The following FAM110B variants were observed in gnomAD, a reference collection of about 807,000 sequenced individuals.
FAM110B encodes protein FAM110B.
FAM110B carries 6 observed loss-of-function variants against 20.4 expected under a neutral mutation model. The observed-to-expected ratio is 0.29, with a 90% CI of 0.16 to 0.58. The LOEUF is 0.58. FAM110B is among the 20% of genes least tolerant of loss of function. The pLI is 0.90. For missense variants in FAM110B, 434 were observed against 498.2 expected, an observed-to-expected ratio of 0.87 and a Z score of 1.23; for synonymous variants, 226 against 214.1, an observed-to-expected ratio of 1.06 and a Z score of -0.49.
intron 3 of FAM110B, among the ~76,000 whole-genome samples, chr8:58,112,323 C>T (rs1253861165): frequency 3.9e-5 from 6 of 152,036 alleles, no homozygotes; most frequent in East Asian, 1.9e-4. Flanking sequence ...AGTAAGACTC[C>T]GTTTCTTAAA....
intron 3 of FAM110B, among the ~76,000 whole-genome samples, chr8:58,121,542 A>G (rs552025283): frequency 6.6e-5 from 10 of 152,342 alleles, no homozygotes; most frequent in South Asian, 6.2e-4. Context: ...AGCAGAAATT[A>G]TATAACGTTG....
At chr8:58,051,145 G>T (rs1805432832) in intron 2 of FAM110B, among the ~76,000 whole-genome samples, 1 of 152,178 alleles carries the variant, frequency 6.6e-6, no homozygotes, top group African/African-American at 2.4e-5. Flanking sequence ...TCCTGGGCCA[G>T]TGGTGCCCAG....
intron 1 of FAM110B, among the ~76,000 whole-genome samples, chr8:57,995,142 G>T (rs925177853): frequency 3.3e-5 from 5 of 152,154 alleles, no homozygotes; most frequent in Non-Finnish European, 5.9e-5. Flanking sequence ...TGGAGCCGGG[G>T]TTGGAGCCAG....
chr8:58,001,633 G>A (rs1173419304), intron 1 of FAM110B, among the ~76,000 whole-genome samples: 1 of 152,148 alleles, frequency 6.6e-6, no homozygotes, highest in African/African-American at 2.4e-5. Context: ...TCAGTGTGAA[G>A]CATGCTGCTG....
intron 1 of FAM110B, among the ~76,000 whole-genome samples, chr8:57,995,761 C>G (rs1804172476): frequency 6.6e-6 from 1 of 152,226 alleles, no homozygotes; most frequent in Non-Finnish European, 1.5e-5. Context: ...GACACACACA[C>G]ACAGAAAAGT....
chr8:58,051,332 G>A (rs904693517), intron 2 of FAM110B, among the ~76,000 whole-genome samples: 1 of 152,188 alleles, frequency 6.6e-6, no homozygotes, highest in Non-Finnish European at 1.5e-5. Context: ...TAACCTTGAA[G>A]CTGTGTGGAT....
At chr8:57,995,751 G>GAC (rs146123873) in intron 1 of FAM110B, among the ~76,000 whole-genome samples, 2 of 152,062 alleles carry the variant, frequency 1.3e-5, no homozygotes, top group African/African-American at 2.4e-5. Context: ...CAGATTTATT[G>GAC]ACACACACAC....
intron 1 of FAM110B, among the ~76,000 whole-genome samples, chr8:58,010,668 G>A (rs7004252): frequency 0.033 from 5,024 of 152,234 alleles, 247 homozygotes; most frequent in African/African-American, 0.11. Context: ...CTGTGGTAGC[G>A]CACCATTAGA....
At chr8:58,054,964 C>T (rs539772470) in intron 2 of FAM110B, among the ~76,000 whole-genome samples, 2 of 151,722 alleles carry the variant, frequency 1.3e-5, no homozygotes, top group East Asian at 3.9e-4. Context: ...TATTGAATTG[C>T]TTAAAATGAT....
intron 3 of FAM110B, among the ~76,000 whole-genome samples, chr8:58,128,389 C>A (rs1452475430): frequency 1.3e-5 from 2 of 152,130 alleles, no homozygotes; most frequent in South Asian, 2.1e-4. Context: ...TCAGAGAATT[C>A]TACTTTTCGA....
chr8:58,029,334 T>C lies in FAM110B; in HGVS notation c.-511-2272T>C, dbSNP rs1043213954. On this transcript the variant is annotated intron_variant, in intron 1 of 3. Transcript: ENST00000519262. Reference sequence around the variant, plus strand: ...TGAATAAGACAGGGAAACTATATACTCTTTTTGTATTAAATTTATCTAGGT... The same window carrying C: ...TGAATAAGACAGGGAAACTATATACCCTTTTTGTATTAAATTTATCTAGGT... Among the ~76,000 whole-genome samples the C allele has an allele frequency of 7.9e-5, 12 of 152,336 alleles. 1 individual carries two copies. The highest frequency in any genetic ancestry group is 7.2e-4 in the Admixed American group (11 of 15,304).
chr8:58,055,662 G>A (rs951081919), intron 2 of FAM110B, among the ~76,000 whole-genome samples: 1 of 152,118 alleles, frequency 6.6e-6, no homozygotes, highest in African/African-American at 2.4e-5. Context: ...TTCTTCTAAG[G>A]TGCACGGGCC....
chr8:57,998,908 A>G (rs1263267663), intron 1 of FAM110B, among the ~76,000 whole-genome samples: 1 of 152,182 alleles, frequency 6.6e-6, no homozygotes, highest in Non-Finnish European at 1.5e-5. Context: ...TGCCTATGTC[A>G]TTTTGACATC....
At chr8:58,140,688 C>T (rs1585920213) in intron 3 of FAM110B, among the ~76,000 whole-genome samples, 1 of 152,308 alleles carries the variant, frequency 6.6e-6, no homozygotes, top group Admixed American at 6.5e-5. Flanking sequence ...TCCGCTACAC[C>T]TAGTTGGCCT....
chr8:58,068,234 G>A (rs1223542688), intron 2 of FAM110B, among the ~76,000 whole-genome samples: 1 of 152,202 alleles, frequency 6.6e-6, no homozygotes, highest in Non-Finnish European at 1.5e-5. Context: ...CCTGGTAATG[G>A]TGATTGCACT....
intron 3 of FAM110B, among the ~76,000 whole-genome samples, chr8:58,111,267 T>C (rs1807052336): frequency 6.6e-6 from 1 of 152,212 alleles, no homozygotes; most frequent in African/African-American, 2.4e-5. Context: ...AGAAAATCAC[T>C]CTCCATGTGA....
intron 3 of FAM110B, among the ~76,000 whole-genome samples, chr8:58,125,146 C>T (rs941012635): frequency 5.3e-5 from 8 of 151,992 alleles, no homozygotes; most frequent in Non-Finnish European, 1.2e-4. Flanking sequence ...CCCAGGAGTT[C>T]GAGACCAGCC....
At chr8:58,032,568 G>A (rs968919679) in intron 2 of FAM110B, 1 of 152,170 alleles carries the variant, frequency 6.6e-6, no homozygotes, top group Non-Finnish European at 1.5e-5. Flanking sequence ...GGGTAAAGAT[G>A]ACTTCATAAT....
At chr8:58,074,111 C>T (rs991091337) in intron 2 of FAM110B, among the ~76,000 whole-genome samples, 1 of 152,208 alleles carries the variant, frequency 6.6e-6, no homozygotes, top group Non-Finnish European at 1.5e-5. Context: ...CCGGACCCCA[C>T]CCCACTGCCT....
Sources: gnomAD v4.1 joint callset for allele counts (sites outside exome capture counted in the v4.1 genomes callset) on GRCh38, gnomAD v4.1.1 for gene constraint, MANE v1.5 for transcripts, NCBI Gene and HGNC (gene_info 2026-07-23, HGNC 2026-07-21) for gene names.